Variants in NAV3 observed in about 807,000 individuals in gnomAD.
NAV3 encodes the protein neuron navigator 3, also known as pore membrane and/or filament interacting like protein 1.
NAV3 carries 87 observed loss-of-function variants against 244.7 expected under a neutral mutation model. That is an observed-to-expected ratio of 0.36 (90% CI 0.30 to 0.42). NAV3 has a LOEUF of 0.42. NAV3 is among the 20% of genes least tolerant of loss of function. NAV3 has a pLI of 1.00. For synonymous variants in NAV3, 1,126 were observed against 1,042.2 expected (o/e 1.08, Z -1.55); for missense variants, 2,663 against 2,893.3 (o/e 0.92, Z 1.83).
chr12:78,176,265 C>G (rs917948355), intron 25 of NAV3, among the ~76,000 whole-genome samples, 174 bp from the exon 26 acceptor site: 3 of 151,848 alleles, frequency 2.0e-5, no homozygotes, highest in Non-Finnish European at 4.4e-5. Context: ...GTAAATACAA[C>G]TCTTGATGAA....
At chr12:77,587,228 A>G (rs369359708) in intron 2 of NAV3, among the ~76,000 whole-genome samples, 5 of 152,308 alleles carry the variant, frequency 3.3e-5, no homozygotes, top group African/African-American at 4.8e-5. Context: ...AATGCTTTCC[A>G]TGATCTCATG....
At chr12:78,199,276 T>G (rs1565794783) in intron 36 of NAV3, 59 bp from the exon 37 acceptor site, 6 of 1,166,442 alleles carry the variant, frequency 5.1e-6, no homozygotes, top group Non-Finnish European at 7.4e-6. Context: ...TGATAAAGAA[T>G]CACTGTGAAT....
chr12:77,929,243 G>A (rs1284142278), intron 1 of NAV3, among the ~76,000 whole-genome samples: 6 of 151,898 alleles, frequency 4.0e-5, no homozygotes, highest in Admixed American at 2.0e-4. Flanking sequence ...AAATCAAACC[G>A]TTTTAAAAAA....
intron 5 of NAV3, among the ~76,000 whole-genome samples, chr12:77,978,113 G>A (rs546311920): frequency 8.9e-4 from 136 of 152,106 alleles, no homozygotes; most frequent in Non-Finnish European, 1.3e-3. Context: ...AAATAAAAAC[G>A]TCATAATTGT....
At chr12:77,810,233 G>A (rs187520217) in intron 2 of NAV3, among the ~76,000 whole-genome samples, 53 of 152,256 alleles carry the variant, frequency 3.5e-4, no homozygotes, top group African/African-American at 1.2e-3. Context: ...GTGCAGTGGT[G>A]CCATCTCCAC....
chr12:77,977,712 G>GCGCGCGCA lies in NAV3; in HGVS notation c.671+9011_671+9012insGCGCGCAC, dbSNP rs1349366739. ...TATACACACACACACACACACACGC[G>GCGCGCGCA]CACACACACACACACACACACACAC... On this transcript the variant is annotated intron_variant, in intron 5 of 39. Coordinates refer to ENST00000397909, the MANE Select transcript of NAV3 (RefSeq NM_001024383.2). Among the ~76,000 whole-genome samples the GCGCGCGCA allele has an allele frequency of 1.3e-3, 185 of 143,082 alleles. 1 individual carries two copies. The highest frequency in any genetic ancestry group is 0.011 in the Middle Eastern group (3 of 282). The allele number at this position is 143,082 out of a possible 152,430, so 93.9% of individuals were successfully genotyped here.
rs535905122 is a variant in NAV3 at position 78,166,778 on chromosome 12, C to T, written c.4870-1977C>T. Among the ~76,000 whole-genome samples, 4 of 151,744 alleles carry T rather than the reference C, an allele frequency of 2.6e-5. No homozygotes were observed. In the South Asian group the frequency reaches 6.2e-4, roughly 24 times the overall value. ...AAGAGATTTCTTGTGAAAAGCTGAA[C>T]GTTCTGACACTGAAATAAGTCAGCT... On this transcript the variant is annotated intron_variant, in intron 23 of 39. Transcript: ENST00000397909.
intron 2 of NAV3, among the ~76,000 whole-genome samples, chr12:77,803,638 T>TA (rs1871827037): frequency 3.9e-5 from 6 of 152,214 alleles, no homozygotes; most frequent in Admixed American, 3.9e-4. Context: ...TTTGGGTATA[T>TA]GCCCAGTAAT....
intron 2 of NAV3, among the ~76,000 whole-genome samples, chr12:77,777,910 A>G (rs1870449611): frequency 1.3e-5 from 2 of 151,364 alleles, no homozygotes; most frequent in African/African-American, 4.9e-5. Flanking sequence ...GGTTCAAGCG[A>G]TTCTCCTGCC....
At chr12:78,064,866 A>T (rs1432232264) in intron 12 of NAV3, among the ~76,000 whole-genome samples, 1 of 152,070 alleles carries the variant, frequency 6.6e-6, no homozygotes, top group Non-Finnish European at 1.5e-5. Context: ...GGAAATGCGT[A>T]AATGTGGAAA....
rs571609394 is a variant in NAV3, at chr12:77,843,523, A to T, written c.243+11819A>T. Reference sequence around the variant, plus strand: ...GGGGTTCTTTGAATATTAAATTCCTATTTTTTTTTTTTAGGAATCTATAGT... The same window carrying T: ...GGGGTTCTTTGAATATTAAATTCCTTTTTTTTTTTTTTAGGAATCTATAGT... On this transcript the variant is annotated intron_variant, in intron 1 of 39. Transcript: ENST00000397909. Among the ~76,000 whole-genome samples, 302 of 140,184 alleles carry T rather than the reference A, an allele frequency of 2.2e-3. 2 individuals carry two copies. The highest frequency in any genetic ancestry group is 6.7e-3 in the African/African-American group (258 of 38,276). The allele number at this position is 140,184 out of a possible 152,430, so 92.0% of individuals were successfully genotyped here.
intron 1 of NAV3, among the ~76,000 whole-genome samples, chr12:77,866,475 A>G (rs1204286603): frequency 6.6e-6 from 1 of 152,226 alleles, no homozygotes; most frequent in African/African-American, 2.4e-5. Flanking sequence ...CAGAAGACTC[A>G]CATGATCCAG....
chr12:77,714,327 C>T (rs1944805823), intron 2 of NAV3, among the ~76,000 whole-genome samples: 1 of 152,114 alleles, frequency 6.6e-6, no homozygotes, highest in Non-Finnish European at 1.5e-5. Flanking sequence ...CAAAATTCCT[C>T]AGTTCAGGCT....
intron 2 of NAV3, among the ~76,000 whole-genome samples, chr12:77,579,694 A>G (rs1207757896): frequency 1.3e-5 from 2 of 152,230 alleles, no homozygotes; most frequent in Non-Finnish European, 2.9e-5. Context: ...TTTAGCAGAA[A>G]CAACCACTGC....
At chr12:77,727,379 A>T (rs2137324423) in intron 2 of NAV3, among the ~76,000 whole-genome samples, 1 of 152,098 alleles carries the variant, frequency 6.6e-6, no homozygotes, top group Non-Finnish European at 1.5e-5. Flanking sequence ...GAGAAAAGTA[A>T]ACAGGAAAAA....
At chr12:78,148,029 A>G (rs2139210583) in intron 21 of NAV3, among the ~76,000 whole-genome samples, 1 of 152,226 alleles carries the variant, frequency 6.6e-6, no homozygotes, top group South Asian at 2.1e-4. Context: ...TTAAAACTTT[A>G]AACATGATAT....
chr12:77,679,045 A>G (rs1417127817), intron 2 of NAV3, among the ~76,000 whole-genome samples: 1 of 152,236 alleles, frequency 6.6e-6, no homozygotes, highest in African/African-American at 2.4e-5. Flanking sequence ...GAACAAAAGC[A>G]TCTTAAGTAC....
At chr12:78,191,157 C>G (rs1001058643) in intron 34 of NAV3, among the ~76,000 whole-genome samples, 7 of 152,058 alleles carry the variant, frequency 4.6e-5, no homozygotes, top group African/African-American at 1.4e-4. Context: ...AAGAGCAGCC[C>G]AAACCCATTA....
At chr12:77,960,753 T>C (rs1228840992) in intron 3 of NAV3, among the ~76,000 whole-genome samples, 3 of 147,338 alleles carry the variant, frequency 2.0e-5, no homozygotes, top group Non-Finnish European at 4.5e-5. Context: ...ATATAATATA[T>C]GCATATATAT....
Sources: gnomAD v4.1 joint callset for allele counts (sites outside exome capture counted in the v4.1 genomes callset) on GRCh38, gnomAD v4.1.1 for gene constraint, MANE v1.5 for transcripts, NCBI Gene and HGNC (gene_info 2026-07-23, HGNC 2026-07-21) for gene names.